The following BRMS1L variants were observed in gnomAD, a reference collection of about 807,000 sequenced individuals.
BRMS1L encodes BRMS1 like transcriptional repressor.
Under a neutral mutation model 50.3 loss-of-function variants are expected in BRMS1L, and 23 were observed. The ratio of observed to expected loss-of-function variants is 0.46; its 90% CI spans 0.33 to 0.65. The LOEUF is 0.65. Among genes scored for constraint, BRMS1L ranks in the 30% least tolerant of loss-of-function variants. BRMS1L has a pLI of 0.02. For missense variants in BRMS1L, 286 were observed against 386.1 expected, an observed-to-expected ratio of 0.74 and a Z score of 2.17; for synonymous variants, 114 against 126.9, an observed-to-expected ratio of 0.90 and a Z score of 0.69.
intron 4 of BRMS1L, among the ~76,000 whole-genome samples, chr14:35,839,753 A>G (rs1429937354): frequency 6.6e-6 from 1 of 152,208 alleles, no homozygotes; most frequent in East Asian, 1.9e-4. Context: ...GTTGCTTATC[A>G]GCTTAAGGAG....
Position 35,867,998 on chromosome 14 carries a change from A to G in BRMS1L, c.820A>G (p.Ile274Val). Residue 274 changes from isoleucine (I) to valine (V), a missense_variant, in exon 9 of 10, where the codon ATA (isoleucine) becomes GTA (valine). Ile to Val is a conservative substitution (Grantham distance 29, BLOSUM62 3). Transcript: ENST00000216807. ...DGEWYIRGQT[I>V]CIDKKDECPT... is the part of the protein sequence containing the mutation. ...TGAATGGTATATACGTGGACAAACA[A>G]TATGTATTGATAAAAAAGATGAATG... is the stretch of plus-strand genomic sequence containing the variant. 6.2e-7 allele frequency: 1 copy of G among 1,607,668 alleles called. No homozygotes were observed. Among genetic ancestry groups the G allele is most frequent in the Non-Finnish European group, 8.5e-7 (1 of 1,178,066 alleles).
At chr14:35,847,208 G>C (rs2078147139) in intron 4 of BRMS1L, among the ~76,000 whole-genome samples, 2 of 152,030 alleles carry the variant, frequency 1.3e-5, no homozygotes, top group Non-Finnish European at 2.9e-5. Context: ...CGAACTCCTG[G>C]GCTCAAGCGA....
In BRMS1L at chr14:35,826,620, CTG is replaced by C; in HGVS notation, c.105_106del (p.Ser37LeufsTer9). ...GGGAGCAGCTCCGAGGACGAGGACA[CTG>C]AGAGCTCGTCGGTCTCCGAGGATGG... On this transcript the variant is annotated frameshift_variant, in exon 1 of 10. Coordinates refer to ENST00000216807, the MANE Select transcript of BRMS1L (RefSeq NM_032352.4). LOFTEE classifies it high-confidence loss of function. 6.2e-7 allele frequency: 1 copy of C among 1,612,632 alleles called. No homozygotes were observed.
rs76111123 is a variant in BRMS1L, at chr14:35,861,432, T to A, written c.442-1158T>A. ...ACGGTCTTGTGGAGGGGAACTGCTC[T>A]CCCTTTTTCTCTGATATTTTCCGAG... On this transcript the variant is annotated intron_variant, in intron 4 of 9. Coordinates refer to ENST00000216807, the MANE Select transcript of BRMS1L (RefSeq NM_032352.4). Among the ~76,000 whole-genome samples, 4 of 152,280 alleles carry A rather than the reference T, an allele frequency of 2.6e-5. No homozygotes were observed. In the East Asian group the frequency reaches 7.7e-4, roughly 29 times the overall value.
intron 8 of BRMS1L, 58 bp from the exon 9 acceptor site, chr14:35,867,848 C>T: frequency 6.1e-6 from 9 of 1,481,372 alleles, no homozygotes; most frequent in East Asian, 2.5e-5. Flanking sequence ...ATGTTCTGAC[C>T]CTTTGTTCTT....
At chr14:35,837,209 C>T (rs1447722756) in intron 4 of BRMS1L, among the ~76,000 whole-genome samples, 5 of 151,576 alleles carry the variant, frequency 3.3e-5, no homozygotes, top group Admixed American at 1.3e-4. Context: ...GAGCTGAGAT[C>T]GTGCCATTGC....
At chr14:35,849,873 G>A (rs573679991) in intron 4 of BRMS1L, among the ~76,000 whole-genome samples, 33 of 152,118 alleles carry the variant, frequency 2.2e-4, no homozygotes, top group African/African-American at 7.9e-4. Context: ...AGGCTGGAGT[G>A]CAGTGGTGTG....
rs1555315173 is a variant in BRMS1L, at chr14:35,857,250, A to AAT, written c.442-5327_442-5326dup. The stretch of plus-strand genomic sequence containing the variant: ...AGCAAGACTCCGTCTCAAAAAAAAA[A>AAT]ATATATATATATATGTATATATACA... On this transcript the variant is annotated intron_variant, in intron 4 of 9. Coordinates refer to ENST00000216807, the MANE Select transcript of BRMS1L (RefSeq NM_032352.4). Among the ~76,000 whole-genome samples the AAT allele has an allele frequency of 6.6e-3, 974 of 147,058 alleles. 14 individuals carry two copies. The highest frequency in any genetic ancestry group is 0.023 in the African/African-American group (903 of 39,618).
chr14:35,866,714 G>A (rs980428021), intron 8 of BRMS1L, among the ~76,000 whole-genome samples: 1 of 152,162 alleles, frequency 6.6e-6, no homozygotes, highest in East Asian at 1.9e-4. Context: ...AAAAAAAATT[G>A]CATTTTATTT....
chr14:35,826,369 T>G lies in BRMS1L; in HGVS notation c.-148T>G. 2.3e-5 allele frequency: 27 copies of G among 1,168,422 alleles called. No homozygotes were observed. Among genetic ancestry groups the G allele is most frequent in the African/African-American group, 3.1e-5 (2 of 64,964 alleles). 72.4% of individuals were successfully genotyped at this position (1,168,422 alleles called of 1,614,324 possible). ...CCCATCGCAGAGCCTGCGGGTTAGG[T>G]TGTGAGGCCCGGGCCGGGGGCGGGG... On this transcript the variant is annotated 5_prime_UTR_variant, in exon 1 of 10. Coordinates refer to ENST00000216807, the MANE Select transcript of BRMS1L (RefSeq NM_032352.4).
At chr14:35,827,237 T>C (rs529347839) in intron 1 of BRMS1L, among the ~76,000 whole-genome samples, 1 of 152,298 alleles carries the variant, frequency 6.6e-6, no homozygotes, top group African/African-American at 2.4e-5. Flanking sequence ...TGCTTATAAA[T>C]TGGCTGAGTT....
intron 4 of BRMS1L, among the ~76,000 whole-genome samples, chr14:35,848,024 A>G (rs564117234): frequency 2.0e-5 from 3 of 152,198 alleles, no homozygotes; most frequent in Non-Finnish European, 4.4e-5. Flanking sequence ...TGGGAGTACA[A>G]ATATTTCTTT....
At chr14:35,837,646 G>A (rs1308289120) in intron 4 of BRMS1L, among the ~76,000 whole-genome samples, 1 of 152,054 alleles carries the variant, frequency 6.6e-6, no homozygotes, top group Non-Finnish European at 1.5e-5. Context: ...TGCCTCCCGA[G>A]TTCAAGCGAT....
intron 4 of BRMS1L, among the ~76,000 whole-genome samples, chr14:35,846,404 A>AG (rs1195382198): frequency 6.6e-6 from 1 of 151,984 alleles, no homozygotes; most frequent in Non-Finnish European, 1.5e-5. Flanking sequence ...TAAAAAAAAA[A>AG]AAAAAGAAAA....
intron 4 of BRMS1L, among the ~76,000 whole-genome samples, chr14:35,846,464 T>G (rs988405501): frequency 6.6e-6 from 1 of 152,170 alleles, no homozygotes; most frequent in Admixed American, 6.5e-5. Context: ...TTTTCATGTC[T>G]TTTTAGTCTC....
At chr14:35,839,949 G>A (rs1052709365) in intron 4 of BRMS1L, among the ~76,000 whole-genome samples, 2 of 152,086 alleles carry the variant, frequency 1.3e-5, no homozygotes, top group Non-Finnish European at 1.5e-5. Context: ...TCTTGTGCCG[G>A]TTTTCAAAGG....
intron 3 of BRMS1L, 42 bp downstream of exon 3, chr14:35,833,147 T>C: frequency 1.9e-6 from 3 of 1,565,380 alleles, no homozygotes; most frequent in Non-Finnish European, 2.6e-6. Flanking sequence ...GAATGTAAAC[T>C]CTTCAGTAGC....
intron 2 of BRMS1L, among the ~76,000 whole-genome samples, chr14:35,831,920 T>TA (rs36099782): frequency 0.1 from 15,153 of 145,478 alleles, 1,360 homozygotes; most frequent in East Asian, 0.24. Flanking sequence ...GACACTGTCT[T>TA]AAAAAAAAAA....
At chr14:35,870,204 A>G (rs1220626259) in intron 9 of BRMS1L, among the ~76,000 whole-genome samples, 156 bp from the exon 10 acceptor site, 1 of 152,182 alleles carries the variant, frequency 6.6e-6, no homozygotes, top group Non-Finnish European at 1.5e-5. Context: ...TTTTGGCAGC[A>G]TGTACTGCTG....
Sources: allele counts gnomAD v4.1 joint callset (sites outside exome capture counted in the v4.1 genomes callset), GRCh38; gene constraint gnomAD v4.1.1; transcripts MANE v1.5; gene names NCBI Gene and HGNC (gene_info 2026-07-23, HGNC 2026-07-21).